CDC123: variants seen among roughly 807,000 people sequenced by gnomAD.
CDC123 encodes cell division cycle 123, also known as translation initiation factor eIF2 assembly protein.
A neutral mutation model predicts 54.4 loss-of-function variants in CDC123; 37 were observed. The ratio of observed to expected loss-of-function variants is 0.68; its 90% CI spans 0.52 to 0.89. The LOEUF is 0.89. Among genes scored for constraint, CDC123 ranks in the 40% least tolerant of loss-of-function variants. The pLI is 0.00. For missense variants in CDC123, 361 were observed against 412.1 expected, an observed-to-expected ratio of 0.88 and a Z score of 1.07; for synonymous variants, 144 against 136.8, an observed-to-expected ratio of 1.05 and a Z score of -0.37.
intron 6 of CDC123, among the ~76,000 whole-genome samples, chr10:12,227,660 G>C (rs1225865131): frequency 6.6e-6 from 1 of 151,950 alleles, no homozygotes; most frequent in African/African-American, 2.4e-5. Context: ...ACCATGCCCA[G>C]CTAATTTTTG....
rs1353855260 is a variant in CDC123, at chr10:12,198,721, C to T, written c.91C>T (p.Pro31Ser). ...VTIKSVILPL[P>S]QNVKDYLLDD... The stretch of plus-strand genomic sequence containing the variant: ...TTTTTTTAGTGTCATTCTTCCACTT[C>T]CTCAGAATGTGAAGGATTATTTACT... Residue 31 changes from proline to serine, a missense_variant, in exon 2 of 13, where the codon CCT becomes TCT. By Grantham distance (74) the Pro-to-Ser change is moderately conservative. Transcript: ENST00000281141. 4 of 1,584,336 alleles carry T rather than the reference C, an allele frequency of 2.5e-6. No individual in the cohort carries two copies. The highest frequency in any genetic ancestry group is 3.4e-6 in the Non-Finnish European group (4 of 1,159,562).
At chr10:12,220,976 C>CA (rs751368713) in intron 6 of CDC123, among the ~76,000 whole-genome samples, 254 of 119,992 alleles carry the variant, frequency 2.1e-3, no homozygotes, top group East Asian at 3.3e-3. Context: ...GACTTTGTCT[C>CA]AAAAAAAAAA....
At chr10:12,225,076 T>C (rs888897313) in intron 6 of CDC123, among the ~76,000 whole-genome samples, 1 of 152,178 alleles carries the variant, frequency 6.6e-6, no homozygotes, top group African/African-American at 2.4e-5. Context: ...GAGCTTGAAC[T>C]GCAGCTACTC....
At chr10:12,205,159 G>A (rs1835501715) in intron 2 of CDC123, among the ~76,000 whole-genome samples, 1 of 152,052 alleles carries the variant, frequency 6.6e-6, no homozygotes. Flanking sequence ...CCACAGATAA[G>A]TGAAAACGTG....
intron 6 of CDC123, among the ~76,000 whole-genome samples, chr10:12,227,122 G>T (rs1015846991): frequency 2.0e-5 from 3 of 152,256 alleles, no homozygotes; most frequent in African/African-American, 7.2e-5. Flanking sequence ...CAGGCGTGGC[G>T]GCGTGCGCCT....
chr10:12,243,861 G>C lies in CDC123; in HGVS notation c.718-2288G>C, dbSNP rs1269080751. Among the ~76,000 whole-genome samples the C allele has an allele frequency of 4.0e-5, 6 of 151,676 alleles. No homozygotes were observed. In the East Asian group the frequency reaches 7.7e-4, roughly 20 times the overall value. On this transcript the variant is annotated intron_variant, in intron 10 of 12. Coordinates refer to ENST00000281141, the MANE Select transcript of CDC123 (RefSeq NM_006023.3). ...TCCATTTTGTATCATGACATATATT[G>C]AAGACATCTTAGCAGTATTCTCCAA...
chr10:12,240,718 A>T (rs1407693837), intron 10 of CDC123, among the ~76,000 whole-genome samples: 5 of 151,888 alleles, frequency 3.3e-5, no homozygotes, highest in African/African-American at 1.2e-4. Context: ...TCTACATAAA[A>T]ATTAGCCAGG....
At chr10:12,230,043 T>C (rs867354661) in intron 6 of CDC123, among the ~76,000 whole-genome samples, 16 of 152,234 alleles carry the variant, frequency 1.1e-4, no homozygotes, top group African/African-American at 3.1e-4. Context: ...TGGTCTTTTC[T>C]GGGTGTTAGT....
intron 9 of CDC123, among the ~76,000 whole-genome samples, chr10:12,238,211 G>A (rs1248571835): frequency 4.6e-5 from 7 of 152,164 alleles, no homozygotes; most frequent in Admixed American, 3.9e-4. Context: ...TGATATTGGC[G>A]TTTGGTTTGA....
At chr10:12,200,856 G>A (rs753517061) in intron 2 of CDC123, among the ~76,000 whole-genome samples, 2 of 152,038 alleles carry the variant, frequency 1.3e-5, no homozygotes, top group Non-Finnish European at 1.5e-5. Context: ...TTACTTGAAC[G>A]CAGGAGGTGG....
chr10:12,236,594 G>C (rs1835979474), intron 8 of CDC123, among the ~76,000 whole-genome samples: 1 of 148,850 alleles, frequency 6.7e-6, no homozygotes, highest in Non-Finnish European at 1.5e-5. Flanking sequence ...ATGAGACACT[G>C]TCTCTAAAAA....
intron 4 of CDC123, among the ~76,000 whole-genome samples, chr10:12,211,357 C>G (rs1326541247): frequency 6.6e-6 from 1 of 151,770 alleles, no homozygotes; most frequent in Non-Finnish European, 1.5e-5. Flanking sequence ...TAAGAAGATA[C>G]TTGTTTATTT....
intron 7 of CDC123, 120 bp from the exon 8 acceptor site, chr10:12,234,928 C>A: frequency 1.4e-6 from 1 of 690,562 alleles, no homozygotes; most frequent in Non-Finnish European, 2.5e-6. Context: ...ATGTCATATG[C>A]CTCTTTTTTT....
intron 4 of CDC123, among the ~76,000 whole-genome samples, chr10:12,214,060 T>C (rs1415971295): frequency 6.6e-6 from 1 of 152,206 alleles, no homozygotes; most frequent in African/African-American, 2.4e-5. Flanking sequence ...CATAAACTTT[T>C]TATAATTTAA....
At chr10:12,225,746 C>CTTTTTTTTT (rs60404885) in intron 6 of CDC123, among the ~76,000 whole-genome samples, 7 of 66,956 alleles carry the variant, frequency 1.0e-4, no homozygotes, top group East Asian at 6.0e-4. Flanking sequence ...TAGCTTCTCT[C>CTTTTTTTTT]TTTTTTTTTT....
In CDC123 at chr10:12,250,415, G is replaced by C; in HGVS notation, c.*78G>C. 2 of 1,093,502 alleles carry C rather than the reference G, an allele frequency of 1.8e-6. No homozygotes were observed. Among genetic ancestry groups the C allele is most frequent in the Non-Finnish European group, 2.8e-6 (2 of 705,648 alleles). 67.7% of individuals were successfully genotyped at this position (1,093,502 alleles called of 1,614,324 possible). On this transcript the variant is annotated 3_prime_UTR_variant, in exon 13 of 13. Coordinates refer to ENST00000281141, the MANE Select transcript of CDC123 (RefSeq NM_006023.3). ...TGCTCATCAGCCGCAACTTCCTGCC[G>C]ACCCTGATGCGGGTGGGCCGAGCAG...
chr10:12,207,109 C>A (rs1323261239), intron 2 of CDC123, among the ~76,000 whole-genome samples: 1 of 152,016 alleles, frequency 6.6e-6, no homozygotes, highest in Non-Finnish European at 1.5e-5. Context: ...AAAAAAGAAT[C>A]TTTGATAATT....
At chr10:12,234,853 AAGTGATTCTCCTGCCTC>A (rs1835958321) in intron 7 of CDC123, among the ~76,000 whole-genome samples, 178 bp from the exon 8 acceptor site, 1 of 150,392 alleles carries the variant, frequency 6.6e-6, no homozygotes, top group African/African-American at 2.5e-5. Context: ...TCCCGGGTTC[AAGTGATTCTCCTGCCTC>A]AGCCTTCTGA....
intron 2 of CDC123, among the ~76,000 whole-genome samples, chr10:12,204,396 G>T (rs956953805): frequency 6.6e-6 from 1 of 152,080 alleles, no homozygotes; most frequent in African/African-American, 2.4e-5. Context: ...TGACATTTTT[G>T]CTTTCTGAAT....
Sources: allele counts gnomAD v4.1 joint callset (sites outside exome capture counted in the v4.1 genomes callset), GRCh38; gene constraint gnomAD v4.1.1; transcripts MANE v1.5; gene names NCBI Gene and HGNC (gene_info 2026-07-23, HGNC 2026-07-21).